Variants in TRAPPC8 observed in about 807,000 individuals in gnomAD.
TRAPPC8 encodes general sporulation gene 1 homolog.
TRAPPC8 carries 54 observed loss-of-function variants against 174.3 expected under a neutral mutation model. The ratio of observed to expected loss-of-function variants is 0.31; its 90% CI spans 0.25 to 0.39. TRAPPC8 has a LOEUF of 0.39. Ranked by LOEUF, TRAPPC8 falls within the 10% of genes least tolerant of loss-of-function variation. The pLI, the probability that TRAPPC8 is intolerant of heterozygous loss-of-function variation, is 1.00. For missense variants in TRAPPC8, 1,531 were observed against 1,699.1 expected (o/e 0.90, Z 1.74); for synonymous variants, 630 against 579.9 (o/e 1.09, Z -1.24).
At chr18:31,895,830 T>C (rs891616487) in intron 11 of TRAPPC8, 1 of 152,228 alleles carries the variant, frequency 6.6e-6, no homozygotes, top group Non-Finnish European at 1.5e-5. Context: ...CTGTTATCTG[T>C]TCATATTTAT....
At chr18:31,907,097 T>C (rs2036693136) in intron 9 of TRAPPC8, among the ~76,000 whole-genome samples, 1 of 152,190 alleles carries the variant, frequency 6.6e-6, no homozygotes, top group South Asian at 2.1e-4. Context: ...CCCTAATACA[T>C]GACCATTTTT....
intron 19 of TRAPPC8, among the ~76,000 whole-genome samples, chr18:31,858,599 T>G (rs1400673702): frequency 6.6e-6 from 1 of 152,198 alleles, no homozygotes; most frequent in Non-Finnish European, 1.5e-5. Flanking sequence ...ATATTAATGT[T>G]TGGTTACTAG....
intron 11 of TRAPPC8, among the ~76,000 whole-genome samples, chr18:31,894,324 G>C (rs952901559): frequency 1.3e-5 from 2 of 152,204 alleles, no homozygotes; most frequent in African/African-American, 4.8e-5. Context: ...TATCAGTGTT[G>C]ATGGAAGAGA....
chr18:31,870,392 T>C lies in TRAPPC8; in HGVS notation c.2368A>G (p.Asn790Asp), dbSNP rs1285670702. ...CTTACTAGTTGTTTAACTTCTTCAT[T>C]ATCCTTTCCACTGAAATCTTTAGGA... ...FHPKDFSGKD[N>D]EEVKQLVTSE... The change falls in exon 16 of 29, where the codon AAT (asparagine) becomes GAT (aspartate). Residue 790 changes from asparagine to aspartate, a missense_variant. Transcript: ENST00000283351. 1.2e-6 allele frequency: 2 copies of C among 1,610,394 alleles called. No homozygotes were observed. Among genetic ancestry groups the C allele is most frequent in the South Asian group, 1.1e-5 (1 of 90,090 alleles).
intron 5 of TRAPPC8, among the ~76,000 whole-genome samples, chr18:31,912,512 G>A (rs1017620168): frequency 6.6e-6 from 1 of 151,812 alleles, no homozygotes; most frequent in Non-Finnish European, 1.5e-5. Context: ...AAATTAGCCG[G>A]GCATGGTGGT....
intron 2 of TRAPPC8, among the ~76,000 whole-genome samples, chr18:31,928,366 C>CACAA (rs2037714329): frequency 6.9e-6 from 1 of 145,390 alleles, no homozygotes; most frequent in Non-Finnish European, 1.5e-5. Flanking sequence ...CACACACACA[C>CACAA]AGATTTTAAT....
chr18:31,831,932 C>A, intron 28 of TRAPPC8, 152 bp downstream of exon 28: 1 of 448,480 alleles, frequency 2.2e-6, no homozygotes, highest in South Asian at 3.7e-5. Flanking sequence ...TTTAAAGCCT[C>A]TGTAACACAT....
At chr18:31,890,077 A>G (rs2035888209) in intron 12 of TRAPPC8, among the ~76,000 whole-genome samples, 1 of 152,226 alleles carries the variant, frequency 6.6e-6, no homozygotes, top group Non-Finnish European at 1.5e-5. Context: ...GTGAATGTTC[A>G]GCTCCTAGTA....
intron 2 of TRAPPC8, among the ~76,000 whole-genome samples, chr18:31,929,868 T>C (rs1276395513): frequency 1.3e-5 from 2 of 152,290 alleles, no homozygotes; most frequent in Admixed American, 1.3e-4. Context: ...TTGCTTCATA[T>C]TGAAAACATG....
intron 12 of TRAPPC8, among the ~76,000 whole-genome samples, chr18:31,875,409 C>T (rs2035093938): frequency 6.8e-6 from 1 of 147,982 alleles, no homozygotes; most frequent in Non-Finnish European, 1.5e-5. Context: ...CATGCTGATC[C>T]CAGCCTGCCT....
At chr18:31,846,278 A>G (rs2033396256) in intron 26 of TRAPPC8, among the ~76,000 whole-genome samples, 1 of 152,178 alleles carries the variant, frequency 6.6e-6, no homozygotes, top group Non-Finnish European at 1.5e-5. Flanking sequence ...ATACCAATAT[A>G]AAAACCTGAA....
chr18:31,893,251 GA>G (rs1480311041), intron 11 of TRAPPC8, among the ~76,000 whole-genome samples: 2 of 152,216 alleles, frequency 1.3e-5, no homozygotes, highest in African/African-American at 4.8e-5. Flanking sequence ...GTTTTGACAT[GA>G]AAGAGTTTAT....
At chr18:31,932,722 C>G (rs1347821538) in intron 1 of TRAPPC8, among the ~76,000 whole-genome samples, 1 of 152,160 alleles carries the variant, frequency 6.6e-6, no homozygotes, top group Non-Finnish European at 1.5e-5. Flanking sequence ...TGGCTCACGC[C>G]TGTAATCCCA....
At chr18:31,899,674 CGGTGGCTCGCACCTGTAATCCCA>C (rs1362482953) in intron 10 of TRAPPC8, among the ~76,000 whole-genome samples, 1 of 152,138 alleles carries the variant, frequency 6.6e-6, no homozygotes, top group African/African-American at 2.4e-5. Context: ...GGGCCTGGCG[CGGTGGCTCGCACCTGTAATCCCA>C]GGATTTTGGG....
intron 2 of TRAPPC8, among the ~76,000 whole-genome samples, chr18:31,921,756 T>C (rs1248345963): frequency 6.6e-6 from 1 of 152,226 alleles, no homozygotes; most frequent in African/African-American, 2.4e-5. Context: ...GGAATGTGAT[T>C]ACATATTTCA....
At chr18:31,858,085 C>T in intron 19 of TRAPPC8, 103 bp from the exon 20 acceptor site, 1 of 958,554 alleles carries the variant, frequency 1.0e-6, no homozygotes, top group Non-Finnish European at 1.5e-6. Context: ...CAAAGGTTTA[C>T]AAGTGTTTCA....
Position 31,866,899 on chromosome 18 carries a change from T to C in TRAPPC8, c.2540A>G (p.Gln847Arg). Reference protein sequence around the residue: ...LGVVYNLGTIQGSMTVDGIGA... With the variant: ...LGVVYNLGTIRGSMTVDGIGA... ...AATGCCATCTACTGTCATAGAGCCC[T>C]GAATAGTGCCAAGATTATAAACAAC... Residue 847 changes from glutamine to arginine, a missense_variant, in exon 18 of 29, where the codon CAG (glutamine) becomes CGG (arginine). Physicochemically the swap from Gln to Arg is conservative, Grantham distance 43. Transcript: ENST00000283351. 1.9e-6 allele frequency: 3 copies of C among 1,613,732 alleles called. No individual in the cohort carries two copies. The highest frequency in any genetic ancestry group is 2.5e-6 in the Non-Finnish European group (3 of 1,179,776).
chr18:31,873,450 T>G lies in TRAPPC8; in HGVS notation c.2042A>C (p.His681Pro). Residue 681 changes from histidine to proline, a missense_variant, in exon 14 of 29, where the codon CAT becomes CCT. His to Pro is a moderately conservative substitution (Grantham distance 77). Transcript: ENST00000283351. ...CTAACCATCCGCTGGTCGTCTGTCA[T>G]GGCCAAAAAAAACCCGTGTTGCTGA... ...NSSATRVFFG[H>P]DRRPADGEKQ... The G allele has an allele frequency of 1.2e-6, 2 of 1,613,364 alleles. No individual in the cohort carries two copies. The highest frequency in any genetic ancestry group is 2.2e-5 in the South Asian group (2 of 90,998).
At position 31,921,618 on chromosome 18, in the gene TRAPPC8, CAAAAAAAAAAA is replaced by C. The variant is rs34622423; in HGVS notation, c.353-3962_353-3952del. On this transcript the variant is annotated intron_variant, in intron 2 of 28. Transcript: ENST00000283351. ...TGGATGACAGAGCGAGACTCCGTCTCAAAAAAAAAAAAAAAAAAAGTTATCTTTGAGATTTG... is the reference window on the plus strand; with the variant it reads ...TGGATGACAGAGCGAGACTCCGTCTCAAAAAAAAGTTATCTTTGAGATTTG... Among the ~76,000 whole-genome samples the C allele has an allele frequency of 3.9e-4, 24 of 61,856 alleles. 1 individual carries two copies. The South Asian group carries it at 0.013, about 32-fold the overall frequency. 40.6% of individuals were successfully genotyped at this position (61,856 alleles called of 152,430 possible).
Sources: allele counts gnomAD v4.1 joint callset (sites outside exome capture counted in the v4.1 genomes callset), GRCh38; gene constraint gnomAD v4.1.1; transcripts MANE v1.5; gene names NCBI Gene and HGNC (gene_info 2026-07-23, HGNC 2026-07-21).